The following CSNK1A1 variants were observed in gnomAD, a reference collection of about 807,000 sequenced individuals.
CSNK1A1 encodes the protein casein kinase I isoform alpha.
Under a neutral mutation model 46.1 loss-of-function variants are expected in CSNK1A1, and 7 were observed. The ratio of observed to expected loss-of-function variants is 0.15; its 90% CI spans 0.09 to 0.29. The LOEUF (loss-of-function observed/expected upper bound fraction) is 0.29, where lower values mean the gene tolerates loss of function less well. CSNK1A1 is among the 10% of genes least tolerant of loss of function. The pLI, the probability that CSNK1A1 is intolerant of heterozygous loss-of-function variation, is 1.00. For missense variants in CSNK1A1, 96 were observed against 417.1 expected (o/e 0.23, Z 6.71); for synonymous variants, 137 against 141.5 (o/e 0.97, Z 0.23).
chr5:149,500,480 T>A (rs1760815650), intron 9 of CSNK1A1, among the ~76,000 whole-genome samples: 1 of 151,956 alleles, frequency 6.6e-6, no homozygotes, highest in African/African-American at 2.4e-5. Flanking sequence ...GGTTTCACTG[T>A]GTCAGCCAGG....
intron 3 of CSNK1A1, among the ~76,000 whole-genome samples, chr5:149,524,544 G>A (rs1761671636): frequency 6.6e-6 from 1 of 151,940 alleles, no homozygotes; most frequent in Non-Finnish European, 1.5e-5. Flanking sequence ...AATTTCCTAG[G>A]TCTTAAGTAA....
chr5:149,500,907 T>G (rs1760835449), intron 9 of CSNK1A1: 1 of 828,280 alleles, frequency 1.2e-6, no homozygotes, highest in South Asian at 5.5e-5. Flanking sequence ...GTATAGGAGG[T>G]ATACACTATT....
intron 4 of CSNK1A1, among the ~76,000 whole-genome samples, chr5:149,514,666 A>T (rs1390428212): frequency 6.6e-6 from 1 of 152,218 alleles, no homozygotes; most frequent in Non-Finnish European, 1.5e-5. Context: ...AAAGCAAGTT[A>T]CTGATTTAGG....
Position 149,551,066 on chromosome 5 carries a change from G to T in CSNK1A1, c.-102C>A. The T allele has an allele frequency of 1.5e-6, 2 of 1,342,000 alleles. No individual in the cohort carries two copies. The highest frequency in any genetic ancestry group is 2.1e-6 in the Non-Finnish European group (2 of 968,108). The allele number at this position is 1,342,000 out of a possible 1,614,324, so 83.1% of individuals were successfully genotyped here. The stretch of plus-strand genomic sequence containing the variant: ...ACTAGGCAAGGCTACGGAGGAGGGC[G>T]GCAGGAAACGGAACACGGAGGCCTT... On this transcript the variant is annotated 5_prime_UTR_variant, in exon 1 of 10. Coordinates refer to ENST00000377843, the MANE Select transcript of CSNK1A1 (RefSeq NM_001892.6).
intron 2 of CSNK1A1, among the ~76,000 whole-genome samples, chr5:149,538,562 G>GT (rs1264593619): frequency 4.6e-5 from 7 of 152,188 alleles, no homozygotes; most frequent in Admixed American, 2.0e-4. Flanking sequence ...TAGGATTTCT[G>GT]TAAGTACAGC....
chr5:149,540,138 TA>T (rs776119933), intron 2 of CSNK1A1, among the ~76,000 whole-genome samples: 38 of 152,144 alleles, frequency 2.5e-4, no homozygotes, highest in Non-Finnish European at 4.4e-4. Context: ...TACTACACAT[TA>T]AAAAACCCTT....
chr5:149,539,288 ACT>A (rs1286079443), intron 2 of CSNK1A1, among the ~76,000 whole-genome samples: 1 of 151,992 alleles, frequency 6.6e-6, no homozygotes, highest in Non-Finnish European at 1.5e-5. Flanking sequence ...ACACAGTGAG[ACT>A]CTATTTCTAA....
rs1421815280 is a variant in CSNK1A1, at chr5:149,493,969, C to T, written c.*2884G>A. 2.0e-5 allele frequency: 3 copies of T among 152,172 alleles called. No homozygotes were observed. The highest frequency in any genetic ancestry group is 2.1e-4 in the South Asian group (1 of 4,826). The allele number at this position is 152,172 out of a possible 1,614,324, so 9.4% of individuals were successfully genotyped here. ...CCCAGGAACTCACCTGCATTAAATG[C>T]TGAATTTAACTGAGCTAAAAATGTC... On this transcript the variant is annotated 3_prime_UTR_variant, in exon 10 of 10. Coordinates refer to ENST00000377843, the MANE Select transcript of CSNK1A1 (RefSeq NM_001892.6).
intron 2 of CSNK1A1, chr5:149,545,789 G>T: frequency 1.7e-6 from 1 of 575,920 alleles, no homozygotes; most frequent in Non-Finnish European, 3.2e-6. Flanking sequence ...GTGGTTCGTG[G>T]ACTTGGCCAT....
intron 6 of CSNK1A1, among the ~76,000 whole-genome samples, chr5:149,511,326 C>A (rs1417943427): frequency 1.3e-5 from 2 of 151,484 alleles, no homozygotes; most frequent in Admixed American, 6.6e-5. Flanking sequence ...CCCATGCCCC[C>A]ACCCCCACCC....
rs182855910 is a variant in CSNK1A1 at position 149,527,695 on chromosome 5, G to C, written c.231-2524C>G. ...TTTCCCTCTTCCTTTTTATGTGATAGGCAAATCTGGACTAGAGATCTGTCA... is the reference window on the plus strand; with the variant it reads ...TTTCCCTCTTCCTTTTTATGTGATACGCAAATCTGGACTAGAGATCTGTCA... On this transcript the variant is annotated intron_variant, in intron 2 of 9. Coordinates refer to ENST00000377843, the MANE Select transcript of CSNK1A1 (RefSeq NM_001892.6). 1.3e-3 allele frequency among the ~76,000 whole-genome samples: 202 copies of C among 151,988 alleles called. 1 individual carries two copies. The highest frequency in any genetic ancestry group is 4.7e-3 in the African/African-American group (194 of 41,426).
chr5:149,503,890 C>T, intron 9 of CSNK1A1: 1 of 985,358 alleles, frequency 1.0e-6, no homozygotes, highest in Non-Finnish European at 1.2e-6. Context: ...TGTGATGATC[C>T]TATTATCCCA....
intron 9 of CSNK1A1, chr5:149,502,450 C>T: frequency 2.6e-6 from 1 of 390,586 alleles, no homozygotes; most frequent in Non-Finnish European, 3.5e-6. Flanking sequence ...TCAGGTGATA[C>T]TCCCACCTCA....
chr5:149,520,777 G>C (rs972772702), intron 3 of CSNK1A1, among the ~76,000 whole-genome samples: 5 of 152,152 alleles, frequency 3.3e-5, no homozygotes, highest in South Asian at 4.1e-4. Flanking sequence ...AAATGGCCTT[G>C]TATTACCCAG....
intron 9 of CSNK1A1, chr5:149,504,814 A>G (rs1405204024): frequency 1.0e-6 from 1 of 985,368 alleles, no homozygotes; most frequent in Non-Finnish European, 1.2e-6. Flanking sequence ...GTAAACTGCA[A>G]ATAAAAGAAT....
chr5:149,549,154 AAACTC>A (rs1341251472), intron 2 of CSNK1A1, among the ~76,000 whole-genome samples: 9 of 152,346 alleles, frequency 5.9e-5, no homozygotes, highest in African/African-American at 2.2e-4. Flanking sequence ...ATTTACTGAC[AAACTC>A]AACAGGTTAA....
At chr5:149,530,114 G>C (rs1761846043) in intron 2 of CSNK1A1, among the ~76,000 whole-genome samples, 1 of 151,904 alleles carries the variant, frequency 6.6e-6, no homozygotes, top group Non-Finnish European at 1.5e-5. Context: ...ATTTAATGTA[G>C]ATCTTCCCCT....
intron 2 of CSNK1A1, among the ~76,000 whole-genome samples, chr5:149,546,391 T>G (rs1278155673): frequency 6.6e-6 from 1 of 151,820 alleles, no homozygotes; most frequent in Non-Finnish European, 1.5e-5. Context: ...TCCAAGCACT[T>G]TGAGAGGCCG....
intron 2 of CSNK1A1, chr5:149,549,186 G>C: frequency 5.3e-6 from 2 of 380,432 alleles, no homozygotes; most frequent in Non-Finnish European, 9.7e-6. Flanking sequence ...TTATCAAAGT[G>C]TGGCTAAGTG....
Sources: allele counts gnomAD v4.1 joint callset (sites outside exome capture counted in the v4.1 genomes callset), GRCh38; gene constraint gnomAD v4.1.1; transcripts MANE v1.5; gene names NCBI Gene and HGNC (gene_info 2026-07-23, HGNC 2026-07-21).